UIMC1: variants seen among roughly 807,000 people sequenced by gnomAD.
UIMC1 encodes the protein ubiquitin interaction motif containing 1.
UIMC1 carries 42 observed loss-of-function variants against 84.9 expected under a neutral mutation model. That is an observed-to-expected ratio of 0.49 (90% CI 0.39 to 0.64). The LOEUF (loss-of-function observed/expected upper bound fraction) is 0.64, where lower values mean the gene tolerates loss of function less well. Ranked by LOEUF, UIMC1 falls within the 30% of genes least tolerant of loss-of-function variation. The probability of loss-of-function intolerance (pLI) is 0.00; values close to 1 mark genes in which losing one functional copy is unlikely to be tolerated. For missense variants in UIMC1, 825 were observed against 847.6 expected (o/e 0.97, Z 0.33); for synonymous variants, 281 against 293.0 (o/e 0.96, Z 0.42).
intron 1 of UIMC1, among the ~76,000 whole-genome samples, chr5:177,019,347 C>T (rs1229252299): frequency 6.6e-6 from 1 of 152,172 alleles, no homozygotes; most frequent in East Asian, 1.9e-4. Context: ...CTGTAAAGCA[C>T]TGCCCTGGGC....
At chr5:176,909,503 G>C (rs1220663392) in intron 11 of UIMC1, among the ~76,000 whole-genome samples, 1 of 152,124 alleles carries the variant, frequency 6.6e-6, no homozygotes, top group Non-Finnish European at 1.5e-5. Flanking sequence ...ATAATTGTCA[G>C]AAACTAGATT....
chr5:176,940,187 A>T (rs1764244311), intron 10 of UIMC1, among the ~76,000 whole-genome samples: 1 of 152,196 alleles, frequency 6.6e-6, no homozygotes, highest in South Asian at 2.1e-4. Flanking sequence ...TGGGGATGTG[A>T]GTTTGAGTTC....
At position 176,968,807 on chromosome 5, in the gene UIMC1, A is replaced by G; in HGVS notation, c.948T>C (p.Asn316=). ...ACACTGGTTCCCCAAAACCTTTTTT[A>G]TTAAGGAGCTGCCTCTGAGCCATTT... is the stretch of plus-strand genomic sequence containing the variant. ...SLKMAQRQLL[N]KKGFGEPVLP... The change falls in exon 6 of 15, where the codon AAT becomes AAC. Residue 316 remains asparagine (N), a synonymous_variant. Transcript: ENST00000511320. 6.2e-7 allele frequency: 1 copy of G among 1,614,158 alleles called. No homozygotes were observed. The highest frequency in any genetic ancestry group is 8.5e-7 in the Non-Finnish European group (1 of 1,180,024).
At chr5:176,943,183 T>C in intron 10 of UIMC1, 152 bp downstream of exon 10, 1 of 906,782 alleles carries the variant, frequency 1.1e-6, no homozygotes, top group South Asian at 2.2e-5. Context: ...AACATAAAAG[T>C]ACTAGAAAAA....
chr5:176,933,745 A>G lies in UIMC1; in HGVS notation c.1597+9590T>C, dbSNP rs1285777101. On this transcript the variant is annotated intron_variant, in intron 10 of 14. Coordinates refer to ENST00000511320, the MANE Select transcript of UIMC1 (RefSeq NM_001199298.2). ...GAGATAGTGTCTTCCTATGTTGCTC[A>G]GGCTGGTCTTGAACTCCTGGCTTTA... Among the ~76,000 whole-genome samples, 3 of 152,106 alleles carry G rather than the reference A, an allele frequency of 2.0e-5. No homozygotes were observed. The East Asian group carries it at 5.8e-4, about 29-fold the overall frequency.
chr5:176,923,045 C>T lies in UIMC1; in HGVS notation c.1598-11656G>A, dbSNP rs114585822. ...AGAGCAGGTATTTATAGGCTTCAAG[C>T]CCCTAAGCCTTTGTTTGCTCATCTG... On this transcript the variant is annotated intron_variant, in intron 10 of 14. Coordinates refer to ENST00000511320, the MANE Select transcript of UIMC1 (RefSeq NM_001199298.2). Among the ~76,000 whole-genome samples the T allele has an allele frequency of 3.4e-3, 521 of 152,300 alleles. 3 individuals carry two copies. Among genetic ancestry groups the T allele is most frequent in the African/African-American group, 0.012 (510 of 41,570 alleles).
chr5:176,969,777 G>A (rs1383760710), intron 4 of UIMC1, 71 bp from the exon 5 acceptor site: 12 of 1,301,594 alleles, frequency 9.2e-6, no homozygotes, highest in African/African-American at 3.0e-5. Context: ...TCACAGGAAG[G>A]ACAAAATGGG....
intron 10 of UIMC1, among the ~76,000 whole-genome samples, chr5:176,921,467 C>A (rs369280044): frequency 3.5e-4 from 54 of 152,306 alleles, no homozygotes; most frequent in African/African-American, 1.3e-3. Flanking sequence ...CACTGGGCAT[C>A]TTAAAATTAT....
rs1759218949 is a variant in UIMC1, at chr5:176,905,399, AGACTT to A, written c.2038_2042del (p.Lys680PhefsTer15). On this transcript the variant is annotated frameshift_variant, in exon 15 of 15. Transcript: ENST00000511320. LOFTEE classifies it high-confidence loss of function. ...CTGTGGCTTCTGAAATGGAAACAAA[AGACTT>A]GACGGGAGATTCATTTAAGTCACGA... 6.2e-7 allele frequency: 1 copy of A among 1,614,180 alleles called. No homozygotes were observed. The highest frequency in any genetic ancestry group is 2.2e-5 in the East Asian group (1 of 44,890).
At chr5:176,933,767 T>C (rs1229897527) in intron 10 of UIMC1, among the ~76,000 whole-genome samples, 1 of 152,046 alleles carries the variant, frequency 6.6e-6, no homozygotes, top group Admixed American at 6.6e-5. Context: ...AACTCCTGGC[T>C]TTAACTGATC....
At chr5:176,998,063 C>T (rs373152129) in intron 1 of UIMC1, among the ~76,000 whole-genome samples, 1 of 152,124 alleles carries the variant, frequency 6.6e-6, no homozygotes, top group Admixed American at 6.6e-5. Flanking sequence ...TAATTACACA[C>T]TCATTTGCGT....
At chr5:176,931,859 A>G (rs1763125838) in intron 10 of UIMC1, among the ~76,000 whole-genome samples, 1 of 152,156 alleles carries the variant, frequency 6.6e-6, no homozygotes, top group African/African-American at 2.4e-5. Context: ...CTGTAATCCC[A>G]GCTACTTGGG....
At chr5:177,022,215 G>A (rs1035623337) in intron 1 of UIMC1, among the ~76,000 whole-genome samples, 18 of 152,226 alleles carry the variant, frequency 1.2e-4, no homozygotes, top group African/African-American at 4.1e-4. Context: ...TGTGGAAGAG[G>A]CAACTGGATG....
chr5:176,958,375 T>C (rs1041052743), intron 6 of UIMC1, among the ~76,000 whole-genome samples: 3 of 152,226 alleles, frequency 2.0e-5, no homozygotes, highest in African/African-American at 7.2e-5. Context: ...AATTTGTGAT[T>C]GGGTAAATGA....
intron 1 of UIMC1, among the ~76,000 whole-genome samples, chr5:177,002,801 T>A (rs2149543035): frequency 6.6e-6 from 1 of 151,606 alleles, no homozygotes; most frequent in South Asian, 2.1e-4. Flanking sequence ...GTCTCAAAAA[T>A]AATAATAATA....
chr5:176,932,946 T>C (rs1191792527), intron 10 of UIMC1, among the ~76,000 whole-genome samples: 1 of 140,578 alleles, frequency 7.1e-6, no homozygotes, highest in Non-Finnish European at 1.5e-5. Context: ...CCACCCACCC[T>C]CTCAATTCCA....
chr5:176,953,854 AC>A (rs1371386463), intron 8 of UIMC1, among the ~76,000 whole-genome samples: 1 of 152,204 alleles, frequency 6.6e-6, no homozygotes, highest in Non-Finnish European at 1.5e-5. Context: ...GAAATATGAA[AC>A]AAAAGTAAAC....
chr5:176,988,015 T>C (rs959237876), intron 1 of UIMC1, among the ~76,000 whole-genome samples: 1 of 148,968 alleles, frequency 6.7e-6, no homozygotes, highest in African/African-American at 2.5e-5. Flanking sequence ...TCCCAGTTAG[T>C]TGGGAGGCTC....
chr5:176,974,615 G>A (rs1051371031), intron 3 of UIMC1, among the ~76,000 whole-genome samples: 1 of 152,124 alleles, frequency 6.6e-6, no homozygotes, highest in Non-Finnish European at 1.5e-5. Flanking sequence ...GAAGGCTGAG[G>A]CGGGTGGATC....
Sources: allele counts gnomAD v4.1 joint callset (sites outside exome capture counted in the v4.1 genomes callset), GRCh38; gene constraint gnomAD v4.1.1; transcripts MANE v1.5; gene names NCBI Gene and HGNC (gene_info 2026-07-23, HGNC 2026-07-21).